Variants in POU3F3 observed in about 807,000 individuals in gnomAD.
The protein encoded by POU3F3 is POU class 3 homeobox 3.
In POU3F3, 1 loss-of-function variant was observed where a neutral mutation model predicts 8.6. The observed-to-expected ratio is 0.12, with a 90% CI of 0.04 to 0.55. The LOEUF (loss-of-function observed/expected upper bound fraction) is 0.55. Among genes scored for constraint, POU3F3 ranks in the 20% least tolerant of loss-of-function variants. The pLI, the probability that POU3F3 is intolerant of heterozygous loss-of-function variation, is 0.91. For synonymous variants in POU3F3, 418 were observed against 327.4 expected (o/e 1.28, Z -2.99); for missense variants, 577 against 690.7 (o/e 0.84, Z 1.84).
downstream of POU3F3, among the ~76,000 whole-genome samples, chr2:104,860,615 A>T (rs1170283218): frequency 6.6e-6 from 1 of 151,922 alleles, no homozygotes. Flanking sequence ...AGGCCCACTT[A>T]CAGTTTACAG....
At chr2:104,863,804 T>G in the POU3F3 span, among the ~76,000 whole-genome samples, 5 of 152,138 alleles carry the variant, frequency 3.3e-5, no homozygotes, top group African/African-American at 1.2e-4. Context: ...TTCGCTCGGG[T>G]CCCCATGTGC....
At chr2:104,902,147 T>A in the POU3F3 span, among the ~76,000 whole-genome samples, 2 of 151,910 alleles carry the variant, frequency 1.3e-5, no homozygotes, top group South Asian at 4.2e-4. Context: ...CTCTCATCAC[T>A]CCCTATTACC....
chr2:104,858,689 C>CTT (rs1169137116), downstream of POU3F3: 1 of 152,230 alleles, frequency 6.6e-6, no homozygotes, highest in Non-Finnish European at 1.5e-5. Context: ...GCCTGCTCCA[C>CTT]TTAAGGTACT....
At chr2:104,871,393 A>G in the POU3F3 span, among the ~76,000 whole-genome samples, 1 of 152,180 alleles carries the variant, frequency 6.6e-6, no homozygotes, top group Non-Finnish European at 1.5e-5. Context: ...GAGTGCGGTA[A>G]AAATATTAGG....
the POU3F3 span, among the ~76,000 whole-genome samples, chr2:104,864,463 C>A: frequency 1.3e-5 from 2 of 152,134 alleles, no homozygotes; most frequent in Admixed American, 1.3e-4. Context: ...CTAGTGAGTA[C>A]CAAGAAACAG....
chr2:104,903,607 C>T, the POU3F3 span, among the ~76,000 whole-genome samples: 3 of 152,294 alleles, frequency 2.0e-5, no homozygotes, highest in East Asian at 3.9e-4. Context: ...GAGGTAAACT[C>T]TCCTAATTAA....
At position 104,858,180 on chromosome 2, in the gene POU3F3, TTTGA is replaced by T. The variant is rs1179571831; in HGVS notation, c.*1172_*1175del. 1.3e-5 allele frequency: 2 copies of T among 152,236 alleles called. No individual in the cohort carries two copies. Among genetic ancestry groups the T allele is most frequent in the South Asian group, 2.1e-4 (1 of 4,834 alleles). 9.4% of individuals were successfully genotyped at this position (152,236 alleles called of 1,614,324 possible). The stretch of plus-strand genomic sequence containing the variant: ...CTTCTCTCCTCAATCCGTTGCCAAC[TTTGA>T]TTGAATGGGTGCTGTGGATGTGATT... On this transcript the variant is annotated 3_prime_UTR_variant, in exon 1 of 1. Transcript: ENST00000361360.
chr2:104,855,989 C>G lies in POU3F3; in HGVS notation c.479C>G (p.Ala160Gly). 1.9e-6 allele frequency: 2 copies of G among 1,029,760 alleles called. No homozygotes were observed. The highest frequency in any genetic ancestry group is 1.2e-6 in the Non-Finnish European group (1 of 860,606). 63.8% of individuals were successfully genotyped at this position (1,029,760 alleles called of 1,614,324 possible). Residue 160 changes from alanine (A) to glycine (G), a missense_variant, in exon 1 of 1, where the codon GCG becomes GGG. By Grantham distance (60) the Ala-to-Gly change is moderately conservative. Around this residue, in one of 7 missense-constraint regions of POU3F3, gnomAD observed 484 missense variants for 422.6 expected, o/e 1.15. Coordinates refer to ENST00000361360, the MANE Select transcript of POU3F3 (RefSeq NM_006236.3). Reference protein sequence around the residue: ...KGGAGRDDLHAGTALHHRGPP... With the variant: ...KGGAGRDDLHGGTALHHRGPP... ...GGCGCCGGGCGCGACGACCTGCACGCGGGCACAGCGCTGCACCACCGCGGG... is the reference window on the plus strand; with the variant it reads ...GGCGCCGGGCGCGACGACCTGCACGGGGGCACAGCGCTGCACCACCGCGGG...
chr2:104,889,584 C>T, the POU3F3 span, among the ~76,000 whole-genome samples: 1 of 152,192 alleles, frequency 6.6e-6, no homozygotes, highest in East Asian at 1.9e-4. Context: ...GCCAAGGTCC[C>T]GGAGCTGGCC....
At chr2:104,859,539 CCTT>C (rs560277541), downstream of POU3F3, among the ~76,000 whole-genome samples, 327 of 152,242 alleles carry the variant, frequency 2.1e-3, no homozygotes, top group African/African-American at 7.4e-3. Context: ...TTTTTTTCCT[CCTT>C]CTCTCATCTT....
chr2:104,921,894 G>A, the POU3F3 span, among the ~76,000 whole-genome samples: 1 of 152,180 alleles, frequency 6.6e-6, no homozygotes, highest in African/African-American at 2.4e-5. Context: ...CTACTCAGGA[G>A]GCTGAGGCAG....
At position 104,857,177 on chromosome 2, in the gene POU3F3, C is replaced by A; in HGVS notation, c.*164C>A. 2.7e-6 allele frequency: 2 copies of A among 746,720 alleles called. No individual in the cohort carries two copies. The highest frequency in any genetic ancestry group is 1.6e-6 in the Non-Finnish European group (1 of 611,792). The allele number at this position is 746,720 out of a possible 1,614,324, so 46.3% of individuals were successfully genotyped here. A position where few individuals can be genotyped will look rare whatever the true frequency, so the allele number is the denominator to read the frequency against. On this transcript the variant is annotated 3_prime_UTR_variant, in exon 1 of 1. Coordinates refer to ENST00000361360, the MANE Select transcript of POU3F3 (RefSeq NM_006236.3). ...CCGGGCTCCAGCCCAGGCCCATCCG[C>A]CGCCCTCCCCTCCACCCAGAGACAG... is the stretch of plus-strand genomic sequence containing the variant.
chr2:104,887,300 C>T, the POU3F3 span, among the ~76,000 whole-genome samples: 1 of 152,226 alleles, frequency 6.6e-6, no homozygotes, highest in Non-Finnish European at 1.5e-5. Context: ...AACACCTCAA[C>T]CACCTGGGAA....
At chr2:104,862,740 C>T (rs1676680884), downstream of POU3F3, among the ~76,000 whole-genome samples, 2 of 152,164 alleles carry the variant, frequency 1.3e-5, no homozygotes, top group Non-Finnish European at 2.9e-5. Context: ...GGATGAATTA[C>T]CATACACCCG....
the POU3F3 span, among the ~76,000 whole-genome samples, chr2:104,926,932 C>T: frequency 6.6e-6 from 1 of 151,842 alleles, no homozygotes; most frequent in Non-Finnish European, 1.5e-5. Context: ...GGGAGGGGAA[C>T]ATCACACACT....
At chr2:104,862,170 T>A (rs1401011784), downstream of POU3F3, among the ~76,000 whole-genome samples, 1 of 152,200 alleles carries the variant, frequency 6.6e-6, no homozygotes, top group Non-Finnish European at 1.5e-5. Flanking sequence ...AGCAGGAGCC[T>A]ATGATGTCAC....
the POU3F3 span, among the ~76,000 whole-genome samples, chr2:104,917,651 G>A: frequency 2.0e-5 from 3 of 151,802 alleles, no homozygotes; most frequent in African/African-American, 7.3e-5. Flanking sequence ...GTGAGGGAAG[G>A]TCAGTGTCTT....
At chr2:104,866,600 T>TA in the POU3F3 span, 2 of 152,172 alleles carry the variant, frequency 1.3e-5, no homozygotes, top group African/African-American at 4.8e-5. Context: ...GTGAGTGTGT[T>TA]ACATAACATA....
the POU3F3 span, among the ~76,000 whole-genome samples, chr2:104,922,457 G>C: frequency 2.2e-3 from 322 of 149,164 alleles, no homozygotes; most frequent in African/African-American, 7.2e-3. Context: ...GTATGAGCAT[G>C]ATGAAAATAT....
Sources: allele counts gnomAD v4.1 joint callset (sites outside exome capture counted in the v4.1 genomes callset), GRCh38; gene constraint gnomAD v4.1.1; regional missense constraint gnomAD v4.1.1; transcripts MANE v1.5; gene names NCBI Gene and HGNC (gene_info 2026-07-23, HGNC 2026-07-21).